Variants in ST6GALNAC5 observed in about 807,000 individuals in gnomAD.
The protein encoded by ST6GALNAC5 is ST6 N-acetylgalactosaminide alpha-2,6-sialyltransferase 5, also known as alpha-N-acetylgalactosaminide alpha-2,6-sialyltransferase 5.
ST6GALNAC5 carries 27 observed loss-of-function variants against 33.6 expected under a neutral mutation model. The ratio of observed to expected loss-of-function variants is 0.80; its 90% CI spans 0.59 to 1.11. The LOEUF (loss-of-function observed/expected upper bound fraction) is 1.11, where lower values mean the gene tolerates loss of function less well. ST6GALNAC5 is among the 50% of genes least tolerant of loss of function. The pLI, the probability that ST6GALNAC5 is intolerant of heterozygous loss-of-function variation, is 0.00. For synonymous variants in ST6GALNAC5, 194 were observed against 171.2 expected, an observed-to-expected ratio of 1.13 and a Z score of -1.04; for missense variants, 428 against 454.0, an observed-to-expected ratio of 0.94 and a Z score of 0.52.
intron 2 of ST6GALNAC5, among the ~76,000 whole-genome samples, chr1:76,874,806 A>G (rs1653598592): frequency 6.6e-6 from 1 of 152,160 alleles, no homozygotes; most frequent in African/African-American, 2.4e-5. Flanking sequence ...TCAAGTTGAC[A>G]CTCAGTATTA....
intron 2 of ST6GALNAC5, among the ~76,000 whole-genome samples, chr1:77,040,530 C>T (rs1338491385): frequency 1.3e-5 from 2 of 151,704 alleles, no homozygotes; most frequent in African/African-American, 4.9e-5. Flanking sequence ...ACTTGGCCTT[C>T]TCGGAAAGAG....
Position 76,955,953 on chromosome 1 carries a change from G to C in ST6GALNAC5, c.261+87211G>C, listed in dbSNP as rs186573228. Among the ~76,000 whole-genome samples, 106 of 152,262 alleles carry C rather than the reference G, an allele frequency of 7.0e-4. 1 individual carries two copies. Among genetic ancestry groups the C allele is most frequent in the African/African-American group, 2.4e-3 (99 of 41,570 alleles). ...TAGAAGGAATAATCTTTTCACCACTGTCTCCACCACCTCCAGTTTTCAGTG... is the reference window on the plus strand; with the variant it reads ...TAGAAGGAATAATCTTTTCACCACTCTCTCCACCACCTCCAGTTTTCAGTG... On this transcript the variant is annotated intron_variant, in intron 2 of 4. Coordinates refer to ENST00000477717, the MANE Select transcript of ST6GALNAC5 (RefSeq NM_030965.3).
At chr1:76,954,615 A>C (rs1348391121) in intron 2 of ST6GALNAC5, among the ~76,000 whole-genome samples, 1 of 152,180 alleles carries the variant, frequency 6.6e-6, no homozygotes, top group Non-Finnish European at 1.5e-5. Context: ...ATAAGGGCCC[A>C]GAGGTAGCAT....
intron 2 of ST6GALNAC5, among the ~76,000 whole-genome samples, chr1:76,998,112 T>C (rs1650006465): frequency 6.6e-6 from 1 of 152,210 alleles, no homozygotes; most frequent in South Asian, 2.1e-4. Flanking sequence ...ACGAGTCAAT[T>C]AAACCTCTTT....
At chr1:76,897,386 G>C (rs1245043626) in intron 2 of ST6GALNAC5, among the ~76,000 whole-genome samples, 2 of 152,206 alleles carry the variant, frequency 1.3e-5, no homozygotes, top group Non-Finnish European at 2.9e-5. Context: ...AACTTGTAAG[G>C]CTTGTCTGGT....
intron 2 of ST6GALNAC5, among the ~76,000 whole-genome samples, chr1:76,967,807 A>G (rs1013788721): frequency 1.3e-5 from 2 of 152,224 alleles, no homozygotes; most frequent in African/African-American, 4.8e-5. Flanking sequence ...GTTTGAAAGA[A>G]CATCTTTATT....
At chr1:76,979,903 T>C (rs191006402) in intron 2 of ST6GALNAC5, among the ~76,000 whole-genome samples, 12 of 152,090 alleles carry the variant, frequency 7.9e-5, no homozygotes, top group Non-Finnish European at 7.4e-5. Flanking sequence ...GCTTACCCCA[T>C]TGCACTCCAG....
intron 2 of ST6GALNAC5, among the ~76,000 whole-genome samples, chr1:77,000,591 C>T (rs1327033241): frequency 6.8e-6 from 1 of 147,924 alleles, no homozygotes; most frequent in Admixed American, 6.7e-5. Context: ...AATGGTAATG[C>T]CTAGGTTTTC....
intron 2 of ST6GALNAC5, among the ~76,000 whole-genome samples, chr1:77,042,253 G>T (rs1651854442): frequency 6.6e-6 from 1 of 152,208 alleles, no homozygotes; most frequent in Non-Finnish European, 1.5e-5. Flanking sequence ...TGACTGGCCA[G>T]TTTTCCTTTG....
At chr1:76,967,100 T>C (rs1256936281) in intron 2 of ST6GALNAC5, among the ~76,000 whole-genome samples, 1 of 152,230 alleles carries the variant, frequency 6.6e-6, no homozygotes, top group Admixed American at 6.5e-5. Flanking sequence ...ATCAGGATGA[T>C]GCTGGCCTCA....
rs556071424 is a variant in ST6GALNAC5, at chr1:77,023,470, C to A, written c.262-20734C>A. 2.9e-4 allele frequency among the ~76,000 whole-genome samples: 44 copies of A among 152,280 alleles called. 1 individual carries two copies. Among genetic ancestry groups the A allele is most frequent in the Non-Finnish European group, 6.0e-4 (41 of 68,020 alleles). ...GTAAGCACCATTGAAGCTCTTCCAGCATGGGTTCCCACTGAGAGGCAGGCA... is the reference window on the plus strand; with the variant it reads ...GTAAGCACCATTGAAGCTCTTCCAGAATGGGTTCCCACTGAGAGGCAGGCA... On this transcript the variant is annotated intron_variant, in intron 2 of 4. Transcript: ENST00000477717.
At chr1:76,980,477 A>G (rs1649203904) in intron 2 of ST6GALNAC5, among the ~76,000 whole-genome samples, 1 of 152,204 alleles carries the variant, frequency 6.6e-6, no homozygotes, top group African/African-American at 2.4e-5. Context: ...ATCAAGGTAT[A>G]TTTTGAGGCA....
intron 2 of ST6GALNAC5, among the ~76,000 whole-genome samples, chr1:76,925,308 A>G (rs1277694781): frequency 1.3e-5 from 2 of 152,028 alleles, no homozygotes; most frequent in Admixed American, 1.3e-4. Flanking sequence ...AAATATCCAA[A>G]CTGTATCACC....
rs536857436 is a variant in ST6GALNAC5 at position 76,868,010 on chromosome 1, C to T, written c.15+320C>T. Among the ~76,000 whole-genome samples the T allele has an allele frequency of 6.6e-6, 1 of 152,230 alleles. No individual in the cohort carries two copies. Among genetic ancestry groups the T allele is most frequent in the Admixed American group, 6.5e-5 (1 of 15,298 alleles). ...AAGGGATGGGGGTGCCCAAAAGCAACAGCCTGCCAAAAACTAAGAGGGACG... is the reference window on the plus strand; with the variant it reads ...AAGGGATGGGGGTGCCCAAAAGCAATAGCCTGCCAAAAACTAAGAGGGACG... On this transcript the variant is annotated intron_variant, in intron 1 of 4. Transcript: ENST00000477717. The surrounding 1 kb of genome is among the most constrained non-coding windows in gnomAD (Gnocchi z 4.3).
intron 2 of ST6GALNAC5, among the ~76,000 whole-genome samples, chr1:76,958,472 G>A (rs1648093917): frequency 6.6e-6 from 1 of 152,106 alleles, no homozygotes; most frequent in Non-Finnish European, 1.5e-5. Flanking sequence ...ACTGTTTCAT[G>A]TTTTAATTAT....
intron 2 of ST6GALNAC5, among the ~76,000 whole-genome samples, chr1:76,927,664 T>C (rs1647099027): frequency 6.6e-6 from 1 of 152,154 alleles, no homozygotes; most frequent in Non-Finnish European, 1.5e-5. Context: ...TCTGGGTTTT[T>C]TCTTTGTGCT....
intron 2 of ST6GALNAC5, among the ~76,000 whole-genome samples, chr1:76,970,422 T>G (rs928784825): frequency 2.0e-5 from 3 of 151,638 alleles, no homozygotes; most frequent in Non-Finnish European, 4.4e-5. Flanking sequence ...CAAGCTTCAA[T>G]AGCCGATCCA....
intron 2 of ST6GALNAC5, among the ~76,000 whole-genome samples, chr1:76,936,641 G>A (rs1048864708): frequency 6.6e-6 from 1 of 152,058 alleles, no homozygotes; most frequent in South Asian, 2.1e-4. Context: ...AGTTCCCTTT[G>A]TAGGGTCAAC....
intron 2 of ST6GALNAC5, among the ~76,000 whole-genome samples, chr1:76,925,070 G>A (rs1291030129): frequency 6.6e-6 from 1 of 152,022 alleles, no homozygotes; most frequent in Non-Finnish European, 1.5e-5. Context: ...GGGGAGCCAG[G>A]GCATCACACG....
Sources: allele counts gnomAD v4.1 joint callset (sites outside exome capture counted in the v4.1 genomes callset), GRCh38; gene constraint gnomAD v4.1.1; non-coding constraint Gnocchi (gnomAD v3.1); transcripts MANE v1.5; gene names NCBI Gene and HGNC (gene_info 2026-07-23, HGNC 2026-07-21).